Variants in RASA3 observed in about 807,000 individuals in gnomAD.
The protein encoded by RASA3 is ras GTPase-activating protein 3.
Under a neutral mutation model 110.0 loss-of-function variants are expected in RASA3, and 73 were observed. The observed-to-expected ratio is 0.66, with a 90% CI of 0.55 to 0.81. RASA3 has a LOEUF of 0.81. Among genes scored for constraint, RASA3 ranks in the 30% least tolerant of loss-of-function variants. The pLI is 0.00. For synonymous variants in RASA3, 500 were observed against 451.4 expected (o/e 1.11, Z -1.37); for missense variants, 976 against 1,113.2 (o/e 0.88, Z 1.75).
intron 2 of RASA3, 121 bp from the exon 3 acceptor site, chr13:114,052,276 C>T (rs9525356): frequency 0.16 from 99,813 of 642,754 alleles, 9,174 homozygotes; most frequent in Middle Eastern, 0.21. Context: ...CTGTGTGGCA[C>T]GCATGAGACA....
intron 1 of RASA3, among the ~76,000 whole-genome samples, chr13:114,106,350 TA>T (rs1205211791): frequency 1.3e-5 from 2 of 152,188 alleles, no homozygotes; most frequent in Admixed American, 1.3e-4. Context: ...AACTTAAAAT[TA>T]GCTTTTCCAA....
intron 1 of RASA3, among the ~76,000 whole-genome samples, chr13:114,076,140 C>T (rs1472092782): frequency 6.6e-6 from 1 of 152,222 alleles, no homozygotes; most frequent in Non-Finnish European, 1.5e-5. Flanking sequence ...CCTCTCTGGG[C>T]CTCAAAGTCC....
intron 3 of RASA3, among the ~76,000 whole-genome samples, chr13:114,042,796 G>T (rs567050540): frequency 1.6e-4 from 25 of 152,342 alleles, no homozygotes; most frequent in Admixed American, 9.1e-4. Context: ...TCTCTGTCCA[G>T]CCTCAGTAAA....
chr13:114,110,019 C>G (rs1268283557), intron 1 of RASA3, among the ~76,000 whole-genome samples: 1 of 152,256 alleles, frequency 6.6e-6, no homozygotes, highest in Non-Finnish European at 1.5e-5. Context: ...CCAGTGAGAG[C>G]CGTGAAACAC....
In RASA3 at chr13:114,019,066, C is replaced by T. The variant is rs1455509201; in HGVS notation, c.786-147G>A. On this transcript the variant is annotated intron_variant, in intron 9 of 23. Coordinates refer to ENST00000334062, the MANE Select transcript of RASA3 (RefSeq NM_007368.4). The stretch of plus-strand genomic sequence containing the variant: ...TCAGAGTGCAGCCCCTGGGGACTCC[C>T]CACCGAAGACCCCCAGCAGGGCTGG... 6 of 1,020,632 alleles carry T rather than the reference C, an allele frequency of 5.9e-6. No individual in the cohort carries two copies. In the Admixed American group the frequency reaches 1.1e-4, roughly 18 times the overall value. The allele number at this position is 1,020,632 out of a possible 1,614,324, so 63.2% of individuals were successfully genotyped here.
chr13:114,106,866 TAA>T (rs1007945753), intron 1 of RASA3, among the ~76,000 whole-genome samples: 3 of 152,242 alleles, frequency 2.0e-5, no homozygotes, highest in Admixed American at 1.3e-4. Flanking sequence ...TGTTTAAAAT[TAA>T]AAGTCTTATA....
In RASA3 at chr13:114,007,616, G is replaced by T. The variant is rs777605276; in HGVS notation, c.1669-10C>A. ...AAATCAGATCCAAGAACTAAAGTTG[G>T]AAGAAATCAGGTCACCGGGAGGAAG... On this transcript the variant is annotated splice_polypyrimidine_tract_variant and intron_variant, in intron 17 of 23. Transcript: ENST00000334062. 1.4e-5 allele frequency: 22 copies of T among 1,606,902 alleles called. No individual in the cohort carries two copies. The East Asian group carries it at 4.9e-4, about 36-fold the overall frequency.
intron 1 of RASA3, among the ~76,000 whole-genome samples, chr13:114,121,800 C>G (rs117731190): frequency 2.6e-5 from 4 of 152,208 alleles, no homozygotes; most frequent in Non-Finnish European, 5.9e-5. Context: ...GAATGAGATA[C>G]TAGTTGTTTA....
At chr13:114,051,378 C>T (rs924945437) in intron 3 of RASA3, among the ~76,000 whole-genome samples, 6 of 152,254 alleles carry the variant, frequency 3.9e-5, no homozygotes, top group Admixed American at 6.5e-5. Flanking sequence ...CAGCCTCCCA[C>T]GCCTGCTGCG....
At position 114,029,866 on chromosome 13, in the gene RASA3, G is replaced by A. The variant is rs756024760; in HGVS notation, c.394C>T (p.Arg132Trp). Reference sequence around the variant, plus strand: ...GTGTCTGTGATGACCTCGCTCAGCCGCAGCTCCAGGTGCACTTTGCCCTGC... The same window carrying A: ...GTGTCTGTGATGACCTCGCTCAGCCACAGCTCCAGGTGCACTTTGCCCTGC... ...EVQGKVHLEL[R>W]LSEVITDTGV... Residue 132 changes from arginine (R) to tryptophan (W), a missense_variant, in exon 5 of 24, where the codon CGG becomes TGG. By Grantham distance (101) the Arg-to-Trp change is moderately radical. This residue lies in a region of RASA3 where 732 missense variants were observed against 779.7 expected (regional missense o/e 0.94). Coordinates refer to ENST00000334062, the MANE Select transcript of RASA3 (RefSeq NM_007368.4). 49 of 1,566,762 alleles carry A rather than the reference G, an allele frequency of 3.1e-5. No individual in the cohort carries two copies. In the Admixed American group the frequency reaches 7.4e-4, roughly 24 times the overall value.
At chr13:114,034,431 G>A (rs1415975579) in intron 4 of RASA3, among the ~76,000 whole-genome samples, 1 of 152,092 alleles carries the variant, frequency 6.6e-6, no homozygotes, top group African/African-American at 2.4e-5. Flanking sequence ...GTGCTCTCCC[G>A]GCCCCTGGCA....
intron 9 of RASA3, 93 bp from the exon 10 acceptor site, chr13:114,019,012 TG>T: frequency 6.8e-7 from 1 of 1,463,428 alleles, no homozygotes; most frequent in Non-Finnish European, 9.4e-7. Flanking sequence ...TGAGGTCGAC[TG>T]GTCAGGAGGG....
intron 2 of RASA3, among the ~76,000 whole-genome samples, chr13:114,063,828 G>A (rs1400468508): frequency 2.0e-5 from 3 of 152,150 alleles, no homozygotes; most frequent in Admixed American, 6.5e-5. Context: ...CCCAGCATAC[G>A]CCGTCTTATA....
chr13:114,013,613 CCCCT>C (rs1434946979), intron 14 of RASA3, among the ~76,000 whole-genome samples: 2 of 84,900 alleles, frequency 2.4e-5, no homozygotes, highest in Non-Finnish European at 4.4e-5. Context: ...GCTCTCTCCC[CCCCT>C]CCATCTGTCT....
At chr13:113,996,139 T>C (rs2053251812) in intron 21 of RASA3, among the ~76,000 whole-genome samples, 1 of 150,864 alleles carries the variant, frequency 6.6e-6, no homozygotes, top group South Asian at 2.1e-4. Context: ...AACGGGCTGC[T>C]GCGTCATGTG....
At chr13:114,128,655 C>G (rs1037255876) in intron 1 of RASA3, among the ~76,000 whole-genome samples, 1 of 152,262 alleles carries the variant, frequency 6.6e-6, no homozygotes, top group Non-Finnish European at 1.5e-5. Flanking sequence ...CTGCAGGCAC[C>G]AGCGGTTCAA....
At chr13:114,024,602 C>T (rs368478619) in intron 7 of RASA3, among the ~76,000 whole-genome samples, 8 of 152,364 alleles carry the variant, frequency 5.3e-5, no homozygotes, top group South Asian at 2.1e-4. Context: ...TTCACGGCCA[C>T]GGCCGGACTC....
chr13:113,982,844 C>G (rs2052967429), intron 22 of RASA3, among the ~76,000 whole-genome samples: 1 of 152,208 alleles, frequency 6.6e-6, no homozygotes, highest in Non-Finnish European at 1.5e-5. Flanking sequence ...TGTGAGGACA[C>G]AATGAGACAC....
chr13:114,018,863 C>T lies in RASA3; in HGVS notation c.842G>A (p.Gly281Asp). 6.2e-7 allele frequency: 1 copy of T among 1,613,938 alleles called. No individual in the cohort carries two copies. Among genetic ancestry groups the T allele is most frequent in the East Asian group, 2.2e-5 (1 of 44,880 alleles). ...GTATACCACGTTCAGCCGCAGGGAG[C>T]CCAGGTCGTCTGGCTTTAGGCTCTT... ...GSKSLKPDDLGSLRLNVVYTE... is the reference protein window; with the variant it reads ...GSKSLKPDDLDSLRLNVVYTE... The change falls in exon 10 of 24, where the codon GGC becomes GAC. Residue 281 changes from glycine to aspartate, a missense_variant. By Grantham distance (94) the Gly-to-Asp change is moderately conservative. Coordinates refer to ENST00000334062, the MANE Select transcript of RASA3 (RefSeq NM_007368.4).
Sources: gnomAD v4.1 joint callset for allele counts (sites outside exome capture counted in the v4.1 genomes callset) on GRCh38, gnomAD v4.1.1 for gene constraint, gnomAD v4.1.1 regional missense constraint, MANE v1.5 for transcripts, NCBI Gene and HGNC (gene_info 2026-07-23, HGNC 2026-07-21) for gene names.